Variants in MRPS35 observed in about 807,000 individuals in gnomAD.
MRPS35 encodes the protein mitochondrial ribosomal protein S35, also known as small ribosomal subunit protein mS35.
Under a neutral mutation model 32.7 loss-of-function variants are expected in MRPS35, and 29 were observed. That is an observed-to-expected ratio of 0.89 (90% CI 0.66 to 1.21). The LOEUF is 1.21. Ranked by LOEUF, MRPS35 falls within the 50% of genes most tolerant of loss-of-function variation. MRPS35 has a pLI of 0.00. For missense variants in MRPS35, 373 were observed against 383.8 expected, an observed-to-expected ratio of 0.97 and a Z score of 0.23; for synonymous variants, 148 against 139.3, an observed-to-expected ratio of 1.06 and a Z score of -0.44.
intron 3 of MRPS35, among the ~76,000 whole-genome samples, chr12:27,718,147 A>C (rs1185249228): frequency 6.6e-6 from 1 of 152,182 alleles, no homozygotes; most frequent in Non-Finnish European, 1.5e-5. Flanking sequence ...TTTTCTGGCC[A>C]GGTGTGGTGG....
chr12:27,722,027 CAT>C (rs571067025), intron 4 of MRPS35, among the ~76,000 whole-genome samples: 226 of 152,188 alleles, frequency 1.5e-3, no homozygotes, highest in African/African-American at 5.2e-3. Flanking sequence ...CGCAAAAAAA[CAT>C]AAAAATAAAA....
At chr12:27,752,331 C>T (rs183080344) in intron 7 of MRPS35, among the ~76,000 whole-genome samples, 2 of 152,268 alleles carry the variant, frequency 1.3e-5, no homozygotes, top group East Asian at 1.9e-4. Context: ...CTTGGCAAAC[C>T]AGTGTATAAT....
chr12:27,734,791 A>G (rs185112550), intron 5 of MRPS35, among the ~76,000 whole-genome samples: 1 of 152,202 alleles, frequency 6.6e-6, no homozygotes, highest in African/African-American at 2.4e-5. Flanking sequence ...AAAAAATGCT[A>G]CCTTAAAAAA....
At chr12:27,711,015 C>G in intron 1 of MRPS35, 60 bp downstream of exon 1, 1 of 1,493,334 alleles carries the variant, frequency 6.7e-7, no homozygotes, top group Non-Finnish European at 9.2e-7. Flanking sequence ...GAATACCGGC[C>G]TCATGAAGGG....
intron 3 of MRPS35, among the ~76,000 whole-genome samples, chr12:27,718,523 C>G (rs1030093900): frequency 6.6e-6 from 1 of 152,180 alleles, no homozygotes; most frequent in Admixed American, 6.5e-5. Flanking sequence ...TAAGCTCTTT[C>G]AGATGTTTAA....
rs1185503357 is a variant in MRPS35, at chr12:27,755,383, A to G, written c.905A>G (p.Glu302Gly). Reference sequence around the variant, plus strand: ...AAGTCTGTTGTTAGTCTTAAAAATGAGGAGGAAAATGAAAATTCCATTTCT... The same window carrying G: ...AAGTCTGTTGTTAGTCTTAAAAATGGGGAGGAAAATGAAAATTCCATTTCT... ...YKKSVVSLKN[E>G]EENENSISQY... The change falls in exon 8 of 8, where the codon GAG becomes GGG. Residue 302 changes from glutamate (E) to glycine (G), a missense_variant. Transcript: ENST00000081029. 5 of 1,601,498 alleles carry G rather than the reference A, an allele frequency of 3.1e-6. No individual in the cohort carries two copies. In the Admixed American group the frequency reaches 5.3e-5, roughly 17 times the overall value.
intron 5 of MRPS35, among the ~76,000 whole-genome samples, chr12:27,732,987 GATATAT>G (rs56932909): frequency 0.015 from 1,848 of 120,044 alleles, 14 homozygotes; most frequent in Non-Finnish European, 0.023. Flanking sequence ...GTCATTTGAA[GATATAT>G]ATATATATAT....
In MRPS35 at chr12:27,710,975, T is replaced by C. The variant is rs759727982; in HGVS notation, c.112+20T>C. The C allele has an allele frequency of 6.2e-7, 1 of 1,604,654 alleles. No homozygotes were observed. The highest frequency in any genetic ancestry group is 1.1e-5 in the South Asian group (1 of 90,338). On this transcript the variant is annotated intron_variant, in intron 1 of 7. Coordinates refer to ENST00000081029, the MANE Select transcript of MRPS35 (RefSeq NM_021821.4). Reference sequence around the variant, plus strand: ...GCCTGCGTGAGTGTCTGTCTCGTCTTCTCTGGGCTTTGGGGGAGGTGCAAG... The same window carrying C: ...GCCTGCGTGAGTGTCTGTCTCGTCTCCTCTGGGCTTTGGGGGAGGTGCAAG...
intron 7 of MRPS35, among the ~76,000 whole-genome samples, chr12:27,741,431 C>T (rs1158923671): frequency 6.6e-6 from 1 of 151,964 alleles, no homozygotes; most frequent in Non-Finnish European, 1.5e-5. Context: ...ATAGTGGGCT[C>T]TCCATAAGCA....
intron 3 of MRPS35, among the ~76,000 whole-genome samples, chr12:27,718,701 C>T (rs2061860858): frequency 6.6e-6 from 1 of 152,132 alleles, no homozygotes; most frequent in Non-Finnish European, 1.5e-5. Context: ...GATTTGCTAC[C>T]TTCACTTATT....
chr12:27,716,526 T>C, intron 3 of MRPS35, 68 bp downstream of exon 3: 1 of 1,534,258 alleles, frequency 6.5e-7, no homozygotes, highest in African/African-American at 1.4e-5. Flanking sequence ...CCCCCCTATT[T>C]CTGCTCTCTT....
rs148546654 is a variant in MRPS35, at chr12:27,737,586, C to A, written c.680C>A (p.Thr227Lys). The change falls in exon 7 of 8, where the codon ACA becomes AAA. Residue 227 changes from threonine (T) to lysine (K), a missense_variant. Coordinates refer to ENST00000081029, the MANE Select transcript of MRPS35 (RefSeq NM_021821.4). ...QNYDYAVYLL[T>K]VLYHESWNTE... is the part of the protein sequence containing the mutation. ...TACGATTATGCAGTGTATCTACTAACAGTGTTATACCATGAGTCTTGGGTA... is the reference window on the plus strand; with the variant it reads ...TACGATTATGCAGTGTATCTACTAAAAGTGTTATACCATGAGTCTTGGGTA... The A allele has an allele frequency of 7.5e-4, 1,209 of 1,610,204 alleles. 1 individual carries two copies. The highest frequency in any genetic ancestry group is 9.9e-4 in the Non-Finnish European group (1,167 of 1,176,946).
intron 7 of MRPS35, among the ~76,000 whole-genome samples, chr12:27,738,501 T>C (rs2061951284): frequency 6.6e-6 from 1 of 152,230 alleles, no homozygotes; most frequent in Admixed American, 6.5e-5. Flanking sequence ...TGTACATTTA[T>C]AAGGAAGATT....
intron 2 of MRPS35, among the ~76,000 whole-genome samples, chr12:27,716,029 A>T (rs757246827): frequency 7.2e-5 from 11 of 152,228 alleles, no homozygotes; most frequent in Non-Finnish European, 1.5e-4. Context: ...GTCCAGTTAA[A>T]GAAATTTTTA....
At chr12:27,738,268 T>C (rs2061950149) in intron 7 of MRPS35, among the ~76,000 whole-genome samples, 1 of 152,174 alleles carries the variant, frequency 6.6e-6, no homozygotes, top group African/African-American at 2.4e-5. Context: ...CTAAAGGTAA[T>C]TTTACACAAT....
chr12:27,723,729 G>T (rs572997287), intron 4 of MRPS35, among the ~76,000 whole-genome samples: 1 of 152,172 alleles, frequency 6.6e-6, no homozygotes, highest in Non-Finnish European at 1.5e-5. Context: ...TGGTACAGAG[G>T]AAGTAAACTG....
intron 7 of MRPS35, among the ~76,000 whole-genome samples, chr12:27,740,414 C>G (rs538200271): frequency 2.8e-4 from 43 of 152,206 alleles, no homozygotes; most frequent in African/African-American, 9.1e-4. Flanking sequence ...ACTACAGGCG[C>G]ATGGCACCAT....
chr12:27,754,951 C>T (rs1477034986), intron 7 of MRPS35, among the ~76,000 whole-genome samples: 2 of 152,036 alleles, frequency 1.3e-5, no homozygotes, highest in Non-Finnish European at 2.9e-5. Context: ...CCAGTGTTCA[C>T]GTGACAGAGT....
At chr12:27,716,243 A>G in intron 2 of MRPS35, 48 bp from the exon 3 acceptor site, 1 of 1,425,840 alleles carries the variant, frequency 7.0e-7, no homozygotes, top group Non-Finnish European at 9.3e-7. Context: ...TTTAAGAATT[A>G]AAGAATGTGT....
Sources: allele counts gnomAD v4.1 joint callset (sites outside exome capture counted in the v4.1 genomes callset), GRCh38; gene constraint gnomAD v4.1.1; transcripts MANE v1.5; gene names NCBI Gene and HGNC (gene_info 2026-07-23, HGNC 2026-07-21).